Variants in DSCAM observed in about 807,000 individuals in gnomAD.
DSCAM encodes cell adhesion molecule DSCAM.
In DSCAM, 47 loss-of-function variants were observed where a neutral mutation model predicts 217.7. That is an observed-to-expected ratio of 0.22 (90% CI 0.17 to 0.28). DSCAM has a LOEUF of 0.28. Among genes scored for constraint, DSCAM ranks in the 10% least tolerant of loss-of-function variants. The probability of loss-of-function intolerance (pLI) is 1.00; values close to 1 mark genes in which losing one functional copy is unlikely to be tolerated. For synonymous variants in DSCAM, 1,056 were observed against 1,015.3 expected, an observed-to-expected ratio of 1.04 and a Z score of -0.76; for missense variants, 2,080 against 2,618.3, an observed-to-expected ratio of 0.79 and a Z score of 4.49.
intron 3 of DSCAM, among the ~76,000 whole-genome samples, chr21:40,412,039 C>T (rs558957959): frequency 3.9e-5 from 6 of 152,206 alleles, no homozygotes; most frequent in Admixed American, 2.0e-4. Context: ...AGGGGAAACC[C>T]GTTTCATTTG....
chr21:40,064,470 C>A (rs908327430), intron 27 of DSCAM, among the ~76,000 whole-genome samples: 2 of 152,178 alleles, frequency 1.3e-5, no homozygotes. Flanking sequence ...ATTGCGGAGT[C>A]CAGCAGGGAG....
chr21:40,124,677 C>T (rs1376457387), intron 19 of DSCAM, among the ~76,000 whole-genome samples: 2 of 152,052 alleles, frequency 1.3e-5, no homozygotes, highest in African/African-American at 2.4e-5. Context: ...GAGAAGAGGG[C>T]ATCTATAAGC....
intron 4 of DSCAM, among the ~76,000 whole-genome samples, chr21:40,358,742 C>T (rs1411548673): frequency 1.4e-5 from 2 of 147,434 alleles, no homozygotes; most frequent in African/African-American, 2.5e-5. Flanking sequence ...GCGGAGGTTG[C>T]AGTGAGCCAA....
chr21:40,311,989 C>T (rs2123491365), intron 9 of DSCAM, 92 bp downstream of exon 9: 2 of 368,592 alleles, frequency 5.4e-6, no homozygotes, highest in South Asian at 4.4e-5. Flanking sequence ...TTCTAAGTTC[C>T]AGTTATTTTC....
intron 5 of DSCAM, among the ~76,000 whole-genome samples, chr21:40,349,951 A>C (rs957568271): frequency 5.3e-5 from 8 of 152,192 alleles, no homozygotes; most frequent in African/African-American, 1.9e-4. Context: ...TGGAGGCCAG[A>C]AGACATATAA....
intron 3 of DSCAM, among the ~76,000 whole-genome samples, chr21:40,522,741 G>A (rs911999469): frequency 6.6e-6 from 1 of 152,122 alleles, no homozygotes; most frequent in Admixed American, 6.5e-5. Context: ...TTTTCGTCAA[G>A]AGTTTTCGAG....
At chr21:40,645,150 T>C (rs969016402) in intron 3 of DSCAM, among the ~76,000 whole-genome samples, 1 of 152,228 alleles carries the variant, frequency 6.6e-6, no homozygotes. Context: ...TCTTGCATCC[T>C]TTCTCCCTAA....
chr21:40,038,827 C>G (rs1042575776), intron 32 of DSCAM, among the ~76,000 whole-genome samples: 3 of 151,368 alleles, frequency 2.0e-5, no homozygotes, highest in Admixed American at 6.6e-5. Context: ...CCATGGAACA[C>G]TATGCAGCCA....
chr21:40,178,217 C>T (rs754698022), intron 15 of DSCAM, among the ~76,000 whole-genome samples: 1 of 152,066 alleles, frequency 6.6e-6, no homozygotes, highest in Non-Finnish European at 1.5e-5. Context: ...ATGAGTGGCT[C>T]GCAGTGTGTT....
rs930240175 is a variant in DSCAM, at chr21:40,293,832, A to AAAG, written c.2182+2222_2182+2223insCTT. On this transcript the variant is annotated intron_variant, in intron 10 of 32. Coordinates refer to ENST00000400454, the MANE Select transcript of DSCAM (RefSeq NM_001389.5). ...AGAGCAAGACTCTGTCTCCAGAAAA[A>AAAG]AAAAAGTCATATTAAGCACCATATT... Among the ~76,000 whole-genome samples, 7 of 152,292 alleles carry AAAG rather than the reference A, an allele frequency of 4.6e-5. No homozygotes were observed. In the East Asian group the frequency reaches 5.8e-4, roughly 13 times the overall value.
intron 1 of DSCAM, among the ~76,000 whole-genome samples, chr21:40,805,535 GT>G (rs2091777966): frequency 1.3e-5 from 2 of 152,018 alleles, no homozygotes; most frequent in South Asian, 4.2e-4. Context: ...GTCAACCAAA[GT>G]TTCCTTCCCC....
chr21:40,171,899 G>T (rs1182737292), intron 15 of DSCAM, among the ~76,000 whole-genome samples: 1 of 152,010 alleles, frequency 6.6e-6, no homozygotes, highest in African/African-American at 2.4e-5. Flanking sequence ...ATGTATTAAG[G>T]GTCAAAAATT....
chr21:40,239,707 G>A (rs1487218997), intron 11 of DSCAM, among the ~76,000 whole-genome samples: 1 of 152,190 alleles, frequency 6.6e-6, no homozygotes, highest in Non-Finnish European at 1.5e-5. Context: ...TCTTCCCTCA[G>A]AAGTGGCATA....
At chr21:40,733,576 G>A (rs769654440) in intron 1 of DSCAM, among the ~76,000 whole-genome samples, 1 of 152,140 alleles carries the variant, frequency 6.6e-6, no homozygotes, top group Non-Finnish European at 1.5e-5. Context: ...TCAATAGGCC[G>A]CTGCTGAGAA....
intron 3 of DSCAM, among the ~76,000 whole-genome samples, chr21:40,390,615 A>G (rs2075125478): frequency 1.3e-5 from 2 of 152,188 alleles, no homozygotes; most frequent in East Asian, 1.9e-4. Context: ...ACCTACTCCA[A>G]TGCCTCAAGG....
At position 40,592,189 on chromosome 21, in the gene DSCAM, T is replaced by C. The variant is rs531872615; in HGVS notation, c.508+100621A>G. Among the ~76,000 whole-genome samples the C allele has an allele frequency of 9.2e-5, 14 of 152,300 alleles. No individual in the cohort carries two copies. In the South Asian group the frequency reaches 2.9e-3, roughly 32 times the overall value. The stretch of plus-strand genomic sequence containing the variant: ...CAATCTGACTTTTGCATATATAAAA[T>C]GTTAAATTTTTCAGGTGAGAAATTA... On this transcript the variant is annotated intron_variant, in intron 3 of 32. Coordinates refer to ENST00000400454, the MANE Select transcript of DSCAM (RefSeq NM_001389.5).
chr21:40,046,022 C>A (rs2088836387), intron 30 of DSCAM, among the ~76,000 whole-genome samples: 1 of 152,158 alleles, frequency 6.6e-6, no homozygotes, highest in African/African-American at 2.4e-5. Context: ...CGTGATAAAA[C>A]TATAACCCAA....
intron 1 of DSCAM, among the ~76,000 whole-genome samples, chr21:40,843,788 TTC>T (rs1049719655): frequency 1.4e-5 from 2 of 138,738 alleles, no homozygotes; most frequent in African/African-American, 5.8e-5. Context: ...CACTGACTTC[TTC>T]TTTTTTTTTT....
chr21:40,320,016 A>G (rs1250136170), intron 8 of DSCAM, among the ~76,000 whole-genome samples: 2 of 152,168 alleles, frequency 1.3e-5, no homozygotes, highest in Non-Finnish European at 1.5e-5. Context: ...TCATGGACAC[A>G]GGGAGAGGAA....
Sources: allele counts gnomAD v4.1 joint callset (sites outside exome capture counted in the v4.1 genomes callset), GRCh38; gene constraint gnomAD v4.1.1; transcripts MANE v1.5; gene names NCBI Gene and HGNC (gene_info 2026-07-23, HGNC 2026-07-21).